The following AGTPBP1 variants were observed in gnomAD, a reference collection of about 807,000 sequenced individuals.
AGTPBP1 encodes cytosolic carboxypeptidase 1.
A neutral mutation model predicts 143.9 loss-of-function variants in AGTPBP1; 70 were observed. The ratio of observed to expected loss-of-function variants is 0.49; its 90% confidence interval spans 0.40 to 0.59. AGTPBP1 has a LOEUF of 0.59. AGTPBP1 is among the 20% of genes least tolerant of loss of function. AGTPBP1 has a pLI of 0.00. For synonymous variants in AGTPBP1, 463 were observed against 500.2 expected (o/e 0.93, Z 0.99); for missense variants, 1,229 against 1,464.5 (o/e 0.84, Z 2.62).
chr9:85,574,372 C>A (rs1827755202), intron 25 of AGTPBP1, among the ~76,000 whole-genome samples: 3 of 151,826 alleles, frequency 2.0e-5, no homozygotes, highest in South Asian at 4.1e-4. Context: ...AAACCAGAAA[C>A]CCTTGTTCAC....
rs796786669 is a variant in AGTPBP1, at chr9:85,546,854, G to GT, written c.*254dup. The GT allele has an allele frequency of 0.028, 7,317 of 262,494 alleles. 23 individuals carry two copies. The highest frequency in any genetic ancestry group is 0.039 in the African/African-American group (1,716 of 44,294). The allele number at this position is 262,494 out of a possible 1,614,324, so 16.3% of individuals were successfully genotyped here. A position where few individuals can be genotyped will look rare whatever the true frequency, so the allele number is the denominator to read the frequency against. ...TAAAAATTCATGCAATGATACTCAG[G>GT]TTTTTTTTTTAAAGGTAAATCCAAT... On this transcript the variant is annotated 3_prime_UTR_variant, in exon 26 of 26. Transcript: ENST00000357081.
intron 3 of AGTPBP1, among the ~76,000 whole-genome samples, chr9:85,683,032 T>G (rs1835284712): frequency 6.6e-6 from 1 of 152,064 alleles, no homozygotes; most frequent in African/African-American, 2.4e-5. Flanking sequence ...TCATCTCGGG[T>G]TCAGTTAATG....
chr9:85,638,996 C>T (rs898245883), intron 13 of AGTPBP1, among the ~76,000 whole-genome samples: 12 of 152,104 alleles, frequency 7.9e-5, no homozygotes, highest in South Asian at 6.2e-4. Context: ...CTGTGACTAA[C>T]GAATATAGAA....
intron 1 of AGTPBP1, among the ~76,000 whole-genome samples, chr9:85,737,563 G>A (rs1229493244): frequency 6.6e-6 from 1 of 152,138 alleles, no homozygotes; most frequent in Non-Finnish European, 1.5e-5. Flanking sequence ...CAAAATGGGT[G>A]GTGATATTAA....
At chr9:85,583,189 G>A (rs1828385380) in intron 23 of AGTPBP1, among the ~76,000 whole-genome samples, 2 of 152,192 alleles carry the variant, frequency 1.3e-5, no homozygotes, top group African/African-American at 4.8e-5. Context: ...TGATGACACT[G>A]ATTTTAACCC....
chr9:85,658,274 C>T (rs1164498104), intron 9 of AGTPBP1, among the ~76,000 whole-genome samples: 2 of 152,082 alleles, frequency 1.3e-5, no homozygotes, highest in African/African-American at 2.4e-5. Flanking sequence ...ATAGTGCTTT[C>T]TGGCTTTCTA....
At chr9:85,663,750 A>G (rs1399114602) in intron 8 of AGTPBP1, among the ~76,000 whole-genome samples, 1 of 152,126 alleles carries the variant, frequency 6.6e-6, no homozygotes, top group Non-Finnish European at 1.5e-5. Context: ...AGTTTTTTTG[A>G]AAAGCTACCA....
chr9:85,775,277 T>C, the AGTPBP1 span, among the ~76,000 whole-genome samples: 1 of 151,654 alleles, frequency 6.6e-6, no homozygotes. Flanking sequence ...CACTCCAGCC[T>C]GGGTGACAGA....
chr9:85,568,182 G>A (rs1827230036), intron 25 of AGTPBP1, among the ~76,000 whole-genome samples: 1 of 152,162 alleles, frequency 6.6e-6, no homozygotes, highest in Non-Finnish European at 1.5e-5. Flanking sequence ...GGTGACAAAA[G>A]TACAGAAACT....
rs772905370 is a variant in AGTPBP1 at position 85,633,377 on chromosome 9, T to G, written c.1303-3A>C. The G allele has an allele frequency of 9.2e-6, 14 of 1,528,538 alleles. No homozygotes were observed. In the African/African-American group the frequency reaches 2.0e-4, roughly 21 times the overall value. 94.7% of individuals were successfully genotyped at this position (1,528,538 alleles called of 1,614,324 possible). On this transcript the variant is annotated splice_region_variant and splice_polypyrimidine_tract_variant and intron_variant, in intron 13 of 25. Transcript: ENST00000357081. ...TCTTTGGAGATTAAATCATAGTCCTTTGAAAATAAAAACATGTTTAATCTT... is the reference window on the plus strand; with the variant it reads ...TCTTTGGAGATTAAATCATAGTCCTGTGAAAATAAAAACATGTTTAATCTT...
At chr9:85,741,195 C>G in intron 1 of AGTPBP1, 1 of 984,444 alleles carries the variant, frequency 1.0e-6, no homozygotes, top group Non-Finnish European at 1.2e-6. Flanking sequence ...AAGTTGTAAA[C>G]AGAAGACACA....
chr9:85,764,358 A>G, the AGTPBP1 span, among the ~76,000 whole-genome samples: 276 of 151,224 alleles, frequency 1.8e-3, 1 homozygote, highest in East Asian at 0.015. Flanking sequence ...ATAAAACCCC[A>G]TCTCTAGTAA....
At chr9:85,609,604 T>C (rs1162608828) in intron 17 of AGTPBP1, among the ~76,000 whole-genome samples, 1 of 152,104 alleles carries the variant, frequency 6.6e-6, no homozygotes, top group Non-Finnish European at 1.5e-5. Context: ...TAAACATCAT[T>C]CACTACTAAA....
chr9:85,692,966 G>C (rs1225636549), intron 2 of AGTPBP1, among the ~76,000 whole-genome samples, 153 bp from the exon 3 acceptor site: 1 of 152,180 alleles, frequency 6.6e-6, no homozygotes, highest in Non-Finnish European at 1.5e-5. Flanking sequence ...GCTTAATATA[G>C]CTTAATATTG....
At chr9:85,615,058 C>T (rs995824905) in intron 17 of AGTPBP1, among the ~76,000 whole-genome samples, 2 of 152,054 alleles carry the variant, frequency 1.3e-5, no homozygotes, top group African/African-American at 2.4e-5. Context: ...AATTCATCAA[C>T]GACACTTTAA....
chr9:85,625,904 G>GTTTTTTTTTT (rs368474275), intron 14 of AGTPBP1, among the ~76,000 whole-genome samples: 2 of 105,720 alleles, frequency 1.9e-5, no homozygotes, highest in African/African-American at 3.7e-5. Flanking sequence ...ACCTAGTTTT[G>GTTTTTTTTTT]TTTTTTTTTT....
At chr9:85,754,763 A>G in the AGTPBP1 span, among the ~76,000 whole-genome samples, 2 of 152,308 alleles carry the variant, frequency 1.3e-5, no homozygotes, top group Middle Eastern at 3.4e-3. Flanking sequence ...AGTGACGTTT[A>G]ATAGTGACAT....
the AGTPBP1 span, among the ~76,000 whole-genome samples, chr9:85,775,696 G>C: frequency 6.6e-6 from 1 of 151,834 alleles, no homozygotes; most frequent in South Asian, 2.1e-4. Flanking sequence ...GCCAGTCCAA[G>C]TCTCAAAACT....
At chr9:85,727,772 T>C (rs1453781236) in intron 1 of AGTPBP1, among the ~76,000 whole-genome samples, 2 of 152,032 alleles carry the variant, frequency 1.3e-5, no homozygotes, top group African/African-American at 4.8e-5. Context: ...CCCAAGTGCT[T>C]TGAGGAGACC....
Sources: gnomAD v4.1 joint callset for allele counts (sites outside exome capture counted in the v4.1 genomes callset) on GRCh38, gnomAD v4.1.1 for gene constraint, MANE v1.5 for transcripts, NCBI Gene and HGNC (gene_info 2026-07-23, HGNC 2026-07-21) for gene names.